The following ABCA1 variants were observed in gnomAD, a reference collection of about 807,000 sequenced individuals.
ABCA1 encodes the protein ATP binding cassette subfamily A member 1.
Under a neutral mutation model 262.5 loss-of-function variants are expected in ABCA1, and 133 were observed. That is an observed-to-expected ratio of 0.51 (90% CI 0.44 to 0.59). The LOEUF is 0.59. Among genes scored for constraint, ABCA1 ranks in the 20% least tolerant of loss-of-function variants. The probability of loss-of-function intolerance (pLI) is 0.00; values close to 1 mark genes in which losing one functional copy is unlikely to be tolerated. For missense variants in ABCA1, 2,452 were observed against 2,777.5 expected (o/e 0.88, Z 2.63); for synonymous variants, 1,022 against 1,043.5 (o/e 0.98, Z 0.40).
In ABCA1 at chr9:104,797,780, A is replaced by G. The variant is rs544406699; in HGVS notation, c.5121+641T>C. Among the ~76,000 whole-genome samples the G allele has an allele frequency of 3.3e-5, 5 of 152,316 alleles. No homozygotes were observed. In the East Asian group the frequency reaches 9.7e-4, roughly 29 times the overall value. ...TACTCAGGTTAAATGAGAGTATGAGAGTTATTTTTAAATATCCAGGGACTT... is the reference window on the plus strand; with the variant it reads ...TACTCAGGTTAAATGAGAGTATGAGGGTTATTTTTAAATATCCAGGGACTT... On this transcript the variant is annotated intron_variant, in intron 37 of 49. Transcript: ENST00000374736.
intron 12 of ABCA1, 35 bp from the exon 13 acceptor site, chr9:104,831,862 AG>A: frequency 6.2e-7 from 1 of 1,601,554 alleles, no homozygotes; most frequent in Non-Finnish European, 8.6e-7. Context: ...GAACGTTGGC[AG>A]CCAGGACAAC....
intron 1 of ABCA1, among the ~76,000 whole-genome samples, chr9:104,924,574 C>T (rs765306443): frequency 2.7e-5 from 4 of 149,700 alleles, no homozygotes; most frequent in Admixed American, 6.7e-5. Context: ...CATTCTACTG[C>T]GCTCCAGCCT....
Position 104,817,136 on chromosome 9 carries a change from G to T in ABCA1, c.3535+196C>A. On this transcript the variant is annotated intron_variant, in intron 24 of 49. Transcript: ENST00000374736. The surrounding 1 kb of genome is among the most constrained non-coding windows in gnomAD (Gnocchi z 4.7). ...ACACTGCCCTGCTAGCTCCCAAACC[G>T]AGCCCCAGGCACCCCAGCAAGCATT... The T allele has an allele frequency of 1.1e-6, 1 of 891,022 alleles. No homozygotes were observed. The highest frequency in any genetic ancestry group is 1.3e-6 in the Non-Finnish European group (1 of 744,358). The allele number at this position is 891,022 out of a possible 1,614,324, so 55.2% of individuals were successfully genotyped here.
intron 5 of ABCA1, among the ~76,000 whole-genome samples, chr9:104,868,134 T>C (rs1837251053): frequency 6.6e-6 from 1 of 151,962 alleles, no homozygotes; most frequent in Admixed American, 6.6e-5. Flanking sequence ...CCAAGACGGG[T>C]GGATCAACTG....
Position 104,817,272 on chromosome 9 carries a change from A to C in ABCA1, c.3535+60T>G, listed in dbSNP as rs1341865783. ...TCTGCACCTCTCCTCCTCTGCCTCC[A>C]CTCTGCCCAGCTGGGGGAAGCTCAG... On this transcript the variant is annotated intron_variant, in intron 24 of 49. Coordinates refer to ENST00000374736, the MANE Select transcript of ABCA1 (RefSeq NM_005502.4). The surrounding 1 kb of genome is among the most constrained non-coding windows in gnomAD (Gnocchi z 4.7). 2 of 1,613,050 alleles carry C rather than the reference A, an allele frequency of 1.2e-6. No homozygotes were observed. The highest frequency in any genetic ancestry group is 4.5e-5 in the East Asian group (2 of 44,850).
chr9:104,858,734 GA>G, intron 6 of ABCA1, 36 bp from the exon 7 acceptor site: 1 of 1,611,078 alleles, frequency 6.2e-7, no homozygotes, highest in Non-Finnish European at 8.5e-7. Flanking sequence ...ACAAGCACAA[GA>G]GGATTATGAA....
chr9:104,848,759 C>G (rs1835120179), intron 7 of ABCA1, among the ~76,000 whole-genome samples: 1 of 152,122 alleles, frequency 6.6e-6, no homozygotes, highest in South Asian at 2.1e-4. Flanking sequence ...CCTCCCTTCC[C>G]AGTATGCTTT....
intron 8 of ABCA1, among the ~76,000 whole-genome samples, chr9:104,842,178 A>G (rs1038301444): frequency 3.9e-5 from 6 of 152,180 alleles, no homozygotes; most frequent in Admixed American, 3.9e-4. Flanking sequence ...AGAGGCCACA[A>G]GGATTTTTTT....
chr9:104,814,211 G>C lies in ABCA1; in HGVS notation c.3808C>G (p.Arg1270Gly). The C allele has an allele frequency of 6.2e-7, 1 of 1,614,206 alleles. No individual in the cohort carries two copies. Among genetic ancestry groups the C allele is most frequent in the Non-Finnish European group, 8.5e-7 (1 of 1,180,048 alleles). Residue 1270 changes from arginine (R) to glycine (G), a missense_variant, in exon 27 of 50, where the codon CGA (arginine) becomes GGA (glycine). Physicochemically the swap from Arg to Gly is moderately radical, Grantham distance 125 (BLOSUM62 -2). Around this residue, in one of 4 missense-constraint regions of ABCA1, gnomAD observed 665 missense variants for 727.3 expected, o/e 0.91. Transcript: ENST00000374736. Reference protein sequence around the residue: ...ETSDGTLPARRNRRAFGDKQS... With the variant: ...ETSDGTLPARGNRRAFGDKQS... Reference sequence around the variant, plus strand: ...TTGTCCCCGAAGGCCCGCCTGTTTCGTCTTGCTGGCAAGGTACCATCTGAA... The same window carrying C: ...TTGTCCCCGAAGGCCCGCCTGTTTCCTCTTGCTGGCAAGGTACCATCTGAA...
At chr9:104,814,564 T>C in intron 25 of ABCA1, 89 bp from the exon 26 acceptor site, 1 of 1,271,078 alleles carries the variant, frequency 7.9e-7, no homozygotes, top group Non-Finnish European at 1.1e-6. Context: ...CTGAGTGGCA[T>C]GTTAGCCCCG....
Position 104,882,028 on chromosome 9 carries a change from T to TAAAAAAAAA in ABCA1, c.421+1002_421+1010dup, listed in dbSNP as rs557626075. 8.3e-3 allele frequency among the ~76,000 whole-genome samples: 614 copies of TAAAAAAAAA among 73,674 alleles called. 35 individuals are homozygous for TAAAAAAAAA. Among genetic ancestry groups the TAAAAAAAAA allele is most frequent in the African/African-American group, 0.015 (304 of 20,382 alleles). 48.3% of individuals were successfully genotyped at this position (73,674 alleles called of 152,430 possible). A position where few individuals can be genotyped will look rare whatever the true frequency, so the allele number is the denominator to read the frequency against. On this transcript the variant is annotated intron_variant, in intron 5 of 49. Transcript: ENST00000374736. ...CAAGGAAAGCACAGTTCTGTAGCCT[T>TAAAAAAAAA]AAAAAAAAAAAAAAAAAAAAAAAAA...
At chr9:104,814,539 A>G (rs1268539271) in intron 25 of ABCA1, 64 bp from the exon 26 acceptor site, 11 of 1,456,758 alleles carry the variant, frequency 7.6e-6, no homozygotes, top group Non-Finnish European at 1.1e-5. Flanking sequence ...CACCACTGCC[A>G]CGATTATTAT....
chr9:104,868,465 A>G (rs115331987), intron 5 of ABCA1, among the ~76,000 whole-genome samples: 1,816 of 152,348 alleles, frequency 0.012, 42 homozygotes, highest in African/African-American at 0.041. Context: ...ACTTGCTCCA[A>G]GTGTTCGCTC....
chr9:104,816,359 A>C lies in ABCA1; in HGVS notation c.3536-14T>G. On this transcript the variant is annotated splice_polypyrimidine_tract_variant and intron_variant, in intron 24 of 49. Coordinates refer to ENST00000374736, the MANE Select transcript of ABCA1 (RefSeq NM_005502.4). The stretch of plus-strand genomic sequence containing the variant: ...TAGCAGAGACATCTGCAGGGACCAG[A>C]ATGCAAAGATGGCTCAATCAACTCA... The C allele has an allele frequency of 6.2e-7, 1 of 1,612,612 alleles. No individual in the cohort carries two copies. Among genetic ancestry groups the C allele is most frequent in the East Asian group, 2.2e-5 (1 of 44,846 alleles).
At chr9:104,904,770 A>T (rs1383524584) in intron 1 of ABCA1, among the ~76,000 whole-genome samples, 2 of 152,080 alleles carry the variant, frequency 1.3e-5, no homozygotes, top group African/African-American at 4.8e-5. Context: ...TCAGGGCATC[A>T]ACTGTGAAAC....
chr9:104,912,840 T>C (rs1426500104), intron 1 of ABCA1, among the ~76,000 whole-genome samples: 5 of 152,152 alleles, frequency 3.3e-5, no homozygotes, highest in African/African-American at 1.2e-4. Context: ...TCAATTTTTT[T>C]CAGTCACAAT....
Position 104,784,025 on chromosome 9 carries a change from C to CAT in ABCA1, c.*288_*289dup. The CAT allele has an allele frequency of 2.9e-6, 1 of 347,078 alleles. No homozygotes were observed. Among genetic ancestry groups the CAT allele is most frequent in the South Asian group, 4.1e-5 (1 of 24,370 alleles). The allele number at this position is 347,078 out of a possible 1,614,324, so 21.5% of individuals were successfully genotyped here. On this transcript the variant is annotated 3_prime_UTR_variant, in exon 50 of 50. Coordinates refer to ENST00000374736, the MANE Select transcript of ABCA1 (RefSeq NM_005502.4). ...AAAAAAAAAAGTGTGAGTTCAAACC[C>CAT]ATATGTCCATTGGGTTCCATAATAG...
rs900927176 is a variant in ABCA1 at position 104,810,887 on chromosome 9, A to C, written c.4088T>G (p.Val1363Gly). 2 of 1,614,230 alleles carry C rather than the reference A, an allele frequency of 1.2e-6. No individual in the cohort carries two copies. The highest frequency in any genetic ancestry group is 2.2e-5 in the East Asian group (1 of 44,876). The part of the protein sequence containing the change: ...LPAVFVCIAL[V>G]FSLIVPPFGK... ...AAAGGGTGGCACGATCAGGCTGAAC[A>C]CAAGGGCAATGCAGACAAACACAGC... Residue 1363 changes from valine (V) to glycine (G), a missense_variant, in exon 29 of 50, where the codon GTG becomes GGG. Around this residue, in one of 4 missense-constraint regions of ABCA1, gnomAD observed 665 missense variants for 727.3 expected, o/e 0.91. Transcript: ENST00000374736.
intron 14 of ABCA1, among the ~76,000 whole-genome samples, chr9:104,830,048 T>C (rs1833141269): frequency 6.6e-6 from 1 of 152,018 alleles, no homozygotes; most frequent in Non-Finnish European, 1.5e-5. Context: ...ACATTACATA[T>C]TTCAGATGTC....
Sources: gnomAD v4.1 joint callset for allele counts (sites outside exome capture counted in the v4.1 genomes callset) on GRCh38, gnomAD v4.1.1 for gene constraint, gnomAD v4.1.1 regional missense constraint, Gnocchi (gnomAD v3.1) non-coding constraint, MANE v1.5 for transcripts, NCBI Gene and HGNC (gene_info 2026-07-23, HGNC 2026-07-21) for gene names.